The following MYO7B variants were observed in gnomAD, a reference collection of about 807,000 sequenced individuals.
MYO7B encodes the protein myosin VIIB, also known as unconventional myosin-VIIb.
MYO7B carries 212 observed loss-of-function variants against 259.7 expected under a neutral mutation model. The observed-to-expected ratio is 0.82, with a 90% confidence interval of 0.73 to 0.91. The LOEUF (loss-of-function observed/expected upper bound fraction) is 0.91, where lower values mean the gene tolerates loss of function less well. Among genes scored for constraint, MYO7B ranks in the 40% least tolerant of loss-of-function variants. The pLI, the probability that MYO7B is intolerant of heterozygous loss-of-function variation, is 0.00. For missense variants in MYO7B, 2,732 were observed against 2,813.5 expected (o/e 0.97, Z 0.66); for synonymous variants, 1,197 against 1,166.4 (o/e 1.03, Z -0.54).
At chr2:127,608,186 A>T (rs1020762655) in intron 21 of MYO7B, among the ~76,000 whole-genome samples, 3 of 152,244 alleles carry the variant, frequency 2.0e-5, no homozygotes, top group African/African-American at 7.2e-5. Flanking sequence ...AACTTGGTCT[A>T]CTAAGCACAC....
chr2:127,591,793 C>T (rs1269762394), intron 16 of MYO7B, among the ~76,000 whole-genome samples: 1 of 152,164 alleles, frequency 6.6e-6, no homozygotes, highest in East Asian at 1.9e-4. Context: ...GTCTTGGAAC[C>T]CCTGCTGAAG....
At chr2:127,616,654 G>A (rs1210249886) in intron 26 of MYO7B, among the ~76,000 whole-genome samples, 6 of 152,202 alleles carry the variant, frequency 3.9e-5, no homozygotes, top group African/African-American at 9.7e-5. Flanking sequence ...TCCAGTTAAC[G>A]TAACGCACTC....
Position 127,612,614 on chromosome 2 carries a change from A to G in MYO7B, c.3398+11A>G. 1.9e-6 allele frequency: 3 copies of G among 1,608,540 alleles called. No individual in the cohort carries two copies. The highest frequency in any genetic ancestry group is 1.7e-6 in the Non-Finnish European group (2 of 1,178,408). On this transcript the variant is annotated intron_variant, in intron 26 of 47. Coordinates refer to ENST00000409816, the MANE Select transcript of MYO7B (RefSeq NM_001393586.1). ...GCGGCCCAGCCTCAGGTCAGTTCCC[A>G]CTCCCATCCCGGCCCCATTCAGAGC...
chr2:127,554,467 G>T (rs1216507533), intron 1 of MYO7B, among the ~76,000 whole-genome samples: 1 of 152,178 alleles, frequency 6.6e-6, no homozygotes, highest in African/African-American at 2.4e-5. Context: ...TTGAGATGCT[G>T]TTGGATTCAG....
At chr2:127,565,590 C>T (rs546341827) in intron 4 of MYO7B, among the ~76,000 whole-genome samples, 3 of 152,364 alleles carry the variant, frequency 2.0e-5, no homozygotes, top group South Asian at 4.1e-4. Flanking sequence ...GAAGCCAATG[C>T]GTAGAGTGAC....
intron 28 of MYO7B, 82 bp from the exon 29 acceptor site, chr2:127,623,120 A>G: frequency 6.6e-7 from 1 of 1,505,150 alleles, no homozygotes. Context: ...GGCTGGGGAG[A>G]GGAGGGAGGT....
Position 127,597,420 on chromosome 2 carries a change from G to A in MYO7B, c.2339+864G>A, listed in dbSNP as rs1158372527. 1.3e-5 allele frequency among the ~76,000 whole-genome samples: 2 copies of A among 152,068 alleles called. No homozygotes were observed. Among genetic ancestry groups the A allele is most frequent in the Non-Finnish European group, 2.9e-5 (2 of 68,012 alleles). On this transcript the variant is annotated intron_variant, in intron 19 of 47. Transcript: ENST00000409816. The surrounding 1 kb of genome is among the most constrained non-coding windows in gnomAD (Gnocchi z 4.8). Reference sequence around the variant, plus strand: ...AGGATTCCTTCTGCGGCCTTGTTTAGCCACGCCCCCTCCCTCACACCTGCC... The same window carrying A: ...AGGATTCCTTCTGCGGCCTTGTTTAACCACGCCCCCTCCCTCACACCTGCC...
intron 39 of MYO7B, 116 bp from the exon 40 acceptor site, chr2:127,633,142 T>G: frequency 1.3e-6 from 1 of 772,510 alleles, no homozygotes; most frequent in Non-Finnish European, 2.1e-6. Flanking sequence ...ACCCCAGTGA[T>G]GGTCACTGGG....
At position 127,586,101 on chromosome 2, in the gene MYO7B, T is replaced by G. The variant is rs1408399999; in HGVS notation, c.1690+1188T>G. 6.6e-6 allele frequency among the ~76,000 whole-genome samples: 1 copy of G among 152,232 alleles called. No individual in the cohort carries two copies. The highest frequency in any genetic ancestry group is 1.5e-5 in the Non-Finnish European group (1 of 68,040). ...AACTTATCTATTTTCCTTTCTTTGC[T>G]TGTGTCATATCTAAGAGTCCAGGGT... On this transcript the variant is annotated intron_variant, in intron 14 of 47. Coordinates refer to ENST00000409816, the MANE Select transcript of MYO7B (RefSeq NM_001393586.1). This position sits in a 1 kb window ranked among gnomAD's most constrained non-coding sequence, Gnocchi z 4.8.
chr2:127,631,256 C>A lies in MYO7B; in HGVS notation c.4988C>A (p.Ala1663Asp), dbSNP rs1378236699. The change falls in exon 37 of 48, where the codon GCC (alanine) becomes GAC (aspartate). Residue 1663 changes from alanine to aspartate, a missense_variant. Coordinates refer to ENST00000409816, the MANE Select transcript of MYO7B (RefSeq NM_001393586.1). ...ATGGCCGTGCTGCCCCTGGCCCGTGCCCGTGGCCACCTGTGGGCCTATTCC... is the reference window on the plus strand; with the variant it reads ...ATGGCCGTGCTGCCCCTGGCCCGTGACCGTGGCCACCTGTGGGCCTATTCC... ...VSMAVLPLAR[A>D]RGHLWAYSCE... 6.2e-7 allele frequency: 1 copy of A among 1,610,962 alleles called. No individual in the cohort carries two copies. Among genetic ancestry groups the A allele is most frequent in the East Asian group, 2.2e-5 (1 of 44,820 alleles).
At chr2:127,635,571 C>CA in intron 43 of MYO7B, 151 bp from the exon 44 acceptor site, 1 of 840,154 alleles carries the variant, frequency 1.2e-6, no homozygotes, top group Non-Finnish European at 1.8e-6. Context: ...GACTCAGGGT[C>CA]ATTCCCCTGG....
At position 127,622,132 on chromosome 2, in the gene MYO7B, G is replaced by A. The variant is rs528514916; in HGVS notation, c.3645+31G>A. 176 of 1,538,382 alleles carry A rather than the reference G, an allele frequency of 1.1e-4. 2 individuals are homozygous for A. In the African/African-American group the frequency reaches 1.7e-3, roughly 15 times the overall value. On this transcript the variant is annotated intron_variant, in intron 28 of 47. Transcript: ENST00000409816. ...GGCTGGCAGGGGTGAGAGCGGGCAG[G>A]GTGGGGTGGTGCAGACCCCCAGGGA...
chr2:127,627,423 G>A lies in MYO7B; in HGVS notation c.4460+113G>A, dbSNP rs763219400. On this transcript the variant is annotated intron_variant, in intron 33 of 47. Coordinates refer to ENST00000409816, the MANE Select transcript of MYO7B (RefSeq NM_001393586.1). The surrounding 1 kb of genome is among the most constrained non-coding windows in gnomAD (Gnocchi z 5.6). ...TGTGCCGTCCCGGGTAACAGGCCGG[G>A]GTGGAGGGACAAGAATCTACGTATG... 2.1e-6 allele frequency: 3 copies of A among 1,430,484 alleles called. No homozygotes were observed. The South Asian group carries it at 3.8e-5, about 18-fold the overall frequency. The allele number at this position is 1,430,484 out of a possible 1,614,324, so 88.6% of individuals were successfully genotyped here. A position where few individuals can be genotyped will look rare whatever the true frequency, so the allele number is the denominator to read the frequency against.
intron 35 of MYO7B, 70 bp from the exon 36 acceptor site, chr2:127,630,708 G>T: frequency 6.3e-7 from 1 of 1,590,114 alleles, no homozygotes; most frequent in Non-Finnish European, 8.6e-7. Context: ...CTGCCAGGCC[G>T]GGAGGAGCCT....
chr2:127,619,226 GTGGTTGGGTTGTGGGGGC>G lies in MYO7B; in HGVS notation c.3399-1099_3399-1082del, dbSNP rs1223268661. ...GTGGTGGCTGGCTGGGTGGTGGGGGGTGGTTGGGTTGTGGGGGCTGGTTGGGTTGTGGCCAGTTGGATG... is the reference window on the plus strand; with the variant it reads ...GTGGTGGCTGGCTGGGTGGTGGGGGGTGGTTGGGTTGTGGCCAGTTGGATG... On this transcript the variant is annotated intron_variant, in intron 26 of 47. Transcript: ENST00000409816. Among the ~76,000 whole-genome samples, 240 of 107,190 alleles carry G rather than the reference GTGGTTGGGTTGTGGGGGC, an allele frequency of 2.2e-3. 2 individuals are homozygous for G. Among genetic ancestry groups the G allele is most frequent in the African/African-American group, 8.4e-3 (231 of 27,416 alleles). The allele number at this position is 107,190 out of a possible 152,430, so 70.3% of individuals were successfully genotyped here.
intron 44 of MYO7B, 64 bp downstream of exon 44, chr2:127,635,971 G>A: frequency 6.7e-7 from 1 of 1,498,102 alleles, no homozygotes; most frequent in East Asian, 2.5e-5. Context: ...CTGCACCAGT[G>A]CCATGCCCTG....
rs146660224 is a variant in MYO7B at position 127,582,996 on chromosome 2, G to T, written c.1343+550G>T. ...GCTGGGGGTCGGATAGACAAAGGTG[G>T]TGAGGGGACCAGGCAACGGAGCCAG... On this transcript the variant is annotated intron_variant, in intron 12 of 47. Transcript: ENST00000409816. 4.8e-3 allele frequency among the ~76,000 whole-genome samples: 737 copies of T among 152,328 alleles called. 4 individuals are homozygous for T. Among genetic ancestry groups the T allele is most frequent in the Non-Finnish European group, 8.1e-3 (548 of 68,018 alleles).
chr2:127,609,153 T>A lies in MYO7B; in HGVS notation c.2814+275T>A, dbSNP rs1200273766. 1.3e-5 allele frequency among the ~76,000 whole-genome samples: 2 copies of A among 152,178 alleles called. No homozygotes were observed. Among genetic ancestry groups the A allele is most frequent in the Non-Finnish European group, 2.9e-5 (2 of 68,014 alleles). ...ATCACATGGCATTCCCCGCGTATAT[T>A]TGACCCCACCCGGGCACCCCCAGAG... On this transcript the variant is annotated intron_variant, in intron 22 of 47. Coordinates refer to ENST00000409816, the MANE Select transcript of MYO7B (RefSeq NM_001393586.1). This position sits in a 1 kb window ranked among gnomAD's most constrained non-coding sequence, Gnocchi z 6.9.
At chr2:127,596,832 G>A (rs577675864) in intron 19 of MYO7B, among the ~76,000 whole-genome samples, 6 of 152,370 alleles carry the variant, frequency 3.9e-5, no homozygotes, top group African/African-American at 1.4e-4. Flanking sequence ...AGGGTTTGAC[G>A]TTCCACTTCC....
Sources: gnomAD v4.1 joint callset for allele counts (sites outside exome capture counted in the v4.1 genomes callset) on GRCh38, gnomAD v4.1.1 for gene constraint, Gnocchi (gnomAD v3.1) non-coding constraint, MANE v1.5 for transcripts, NCBI Gene and HGNC (gene_info 2026-07-23, HGNC 2026-07-21) for gene names.